RBFOX1: variants seen among roughly 807,000 people sequenced by gnomAD.
The protein encoded by RBFOX1 is RNA binding fox-1 homolog 1.
A neutral mutation model predicts 57.7 loss-of-function variants in RBFOX1; 8 were observed. The observed-to-expected ratio is 0.14, with a 90% CI of 0.08 to 0.25. RBFOX1 has a LOEUF of 0.25. RBFOX1 is among the 10% of genes least tolerant of loss of function. The pLI is 1.00. For missense variants in RBFOX1, 611 were observed against 548.5 expected, an observed-to-expected ratio of 1.11 and a Z score of -1.14; for synonymous variants, 326 against 222.4, an observed-to-expected ratio of 1.47 and a Z score of -4.15.
At chr16:7,139,721 A>G (rs1482307668) in intron 4 of RBFOX1, among the ~76,000 whole-genome samples, 1 of 152,286 alleles carries the variant, frequency 6.6e-6, no homozygotes, top group African/African-American at 2.4e-5. Context: ...ACCAAAGGCC[A>G]TGAAGAGGTT....
At chr16:6,531,289 C>A (rs1343398792) in intron 2 of RBFOX1, among the ~76,000 whole-genome samples, 3 of 152,168 alleles carry the variant, frequency 2.0e-5, no homozygotes, top group African/African-American at 7.2e-5. Flanking sequence ...ATTTCAACCT[C>A]CCCTTGTTGC....
intron 3 of RBFOX1, among the ~76,000 whole-genome samples, chr16:6,719,953 G>C (rs574570581): frequency 6.6e-6 from 1 of 152,010 alleles, no homozygotes; most frequent in South Asian, 2.1e-4. Context: ...AATTAGCCGG[G>C]GGTGATGGCA....
chr16:6,538,953 TTGGC>T (rs779267348), intron 2 of RBFOX1, among the ~76,000 whole-genome samples: 2 of 152,090 alleles, frequency 1.3e-5, no homozygotes, highest in Non-Finnish European at 2.9e-5. Context: ...GGAAGAGTTG[TTGGC>T]TGGTTTGTTG....
chr16:6,105,379 C>T (rs1486343506), intron 1 of RBFOX1, among the ~76,000 whole-genome samples: 1 of 151,770 alleles, frequency 6.6e-6, no homozygotes, highest in Admixed American at 6.6e-5. Flanking sequence ...ATGTTTATAG[C>T]TCAGAAGGTA....
At chr16:7,542,239 A>T (rs376484498) in intron 5 of RBFOX1, among the ~76,000 whole-genome samples, 1 of 152,298 alleles carries the variant, frequency 6.6e-6, no homozygotes, top group East Asian at 1.9e-4. Flanking sequence ...GGGAAAGAAA[A>T]TAATTCCTTT....
At chr16:6,944,786 T>C (rs756548789) in intron 3 of RBFOX1, among the ~76,000 whole-genome samples, 1 of 152,198 alleles carries the variant, frequency 6.6e-6, no homozygotes, top group Non-Finnish European at 1.5e-5. Context: ...GTATCTCATC[T>C]ATGCCAACTA....
chr16:6,830,607 G>C (rs989011276), intron 3 of RBFOX1, among the ~76,000 whole-genome samples: 1 of 152,134 alleles, frequency 6.6e-6, no homozygotes, highest in African/African-American at 2.4e-5. Context: ...AGTTGGTAGA[G>C]GCCAAGGGTT....
At chr16:6,598,552 C>T (rs2097802623) in intron 2 of RBFOX1, among the ~76,000 whole-genome samples, 1 of 152,134 alleles carries the variant, frequency 6.6e-6, no homozygotes, top group Admixed American at 6.5e-5. Context: ...AATGGAGAAA[C>T]ATGAGAAACA....
At chr16:7,087,073 G>A (rs1412207948) in intron 4 of RBFOX1, among the ~76,000 whole-genome samples, 1 of 152,194 alleles carries the variant, frequency 6.6e-6, no homozygotes, top group Non-Finnish European at 1.5e-5. Context: ...AGTGTGCTGA[G>A]CTGTGCGGTG....
intron 4 of RBFOX1, among the ~76,000 whole-genome samples, chr16:5,917,692 G>A (rs557714191): frequency 2.2e-4 from 34 of 152,120 alleles, no homozygotes; most frequent in Non-Finnish European, 4.4e-4. Context: ...GCCATCCACC[G>A]TTTCTTCCCT....
chr16:5,455,023 C>T (rs1296292827), intron 1 of RBFOX1, among the ~76,000 whole-genome samples: 7 of 111,762 alleles, frequency 6.3e-5, no homozygotes, highest in African/African-American at 1.9e-4. Context: ...TTCTTTCTTT[C>T]TCTCTCTCTG....
chr16:6,637,397 T>TTAAATATATATAATATATAATATA (rs2098452193), intron 2 of RBFOX1, among the ~76,000 whole-genome samples: 45 of 6,782 alleles, frequency 6.6e-3, no homozygotes, highest in East Asian at 0.021. Flanking sequence ...ATATTATATA[T>TTAAATATATATAATATATAATATA]TAAATATATA....
chr16:5,891,795 T>C (rs748634271), intron 4 of RBFOX1, among the ~76,000 whole-genome samples: 14 of 152,186 alleles, frequency 9.2e-5, no homozygotes, highest in Admixed American at 2.0e-4. Flanking sequence ...GGACATCTGA[T>C]AGCCAGTGTG....
At position 7,712,541 on chromosome 16, in the gene RBFOX1, G is replaced by C. The variant is rs1056985186; in HGVS notation, c.*1796G>C. On this transcript the variant is annotated 3_prime_UTR_variant, in exon 16 of 16. Coordinates refer to ENST00000550418, the MANE Select transcript of RBFOX1 (RefSeq NM_018723.4). ...TTCGATACCTAAGACAGACGATAGTGATCTTGAAAAGAGAAAAGGGGGAGG... is the reference window on the plus strand; with the variant it reads ...TTCGATACCTAAGACAGACGATAGTCATCTTGAAAAGAGAAAAGGGGGAGG... 1.3e-5 allele frequency: 2 copies of C among 152,188 alleles called. No homozygotes were observed. Among genetic ancestry groups the C allele is most frequent in the African/African-American group, 4.8e-5 (2 of 41,326 alleles). The allele number at this position is 152,188 out of a possible 1,614,324, so 9.4% of individuals were successfully genotyped here. A position where few individuals can be genotyped will look rare whatever the true frequency, so the allele number is the denominator to read the frequency against.
chr16:6,524,792 T>G (rs715903), intron 2 of RBFOX1, among the ~76,000 whole-genome samples: 96,260 of 151,922 alleles, frequency 0.63, 30,824 homozygotes, highest in Non-Finnish European at 0.67. Flanking sequence ...GTGTGTATTG[T>G]CATTGCCCCA....
At chr16:5,557,023 G>T (rs1010558982) in intron 2 of RBFOX1, among the ~76,000 whole-genome samples, 1 of 152,142 alleles carries the variant, frequency 6.6e-6, no homozygotes, top group Non-Finnish European at 1.5e-5. Context: ...ACTTTGGGAG[G>T]CTGAGGCAGG....
At chr16:7,386,891 T>C (rs1000574006) in intron 4 of RBFOX1, among the ~76,000 whole-genome samples, 3 of 152,186 alleles carry the variant, frequency 2.0e-5, no homozygotes, top group African/African-American at 7.2e-5. Context: ...CAGCATCTGT[T>C]GTTTTCTGAC....
At chr16:6,964,928 C>T (rs762394246) in intron 3 of RBFOX1, among the ~76,000 whole-genome samples, 11 of 152,148 alleles carry the variant, frequency 7.2e-5, no homozygotes, top group Non-Finnish European at 1.5e-4. Flanking sequence ...CCCATCTCTG[C>T]GGATTAAAGG....
At chr16:5,534,334 A>G (rs913108192) in intron 2 of RBFOX1, among the ~76,000 whole-genome samples, 3 of 152,192 alleles carry the variant, frequency 2.0e-5, no homozygotes, top group Non-Finnish European at 2.9e-5. Context: ...GACTCATACG[A>G]TCAGAAAGTG....
Sources: gnomAD v4.1 joint callset for allele counts (sites outside exome capture counted in the v4.1 genomes callset) on GRCh38, gnomAD v4.1.1 for gene constraint, MANE v1.5 for transcripts, NCBI Gene and HGNC (gene_info 2026-07-23, HGNC 2026-07-21) for gene names.